ASTN1: variants seen among roughly 807,000 people sequenced by gnomAD.
The protein encoded by ASTN1 is astrotactin 1.
Under a neutral mutation model 140.7 loss-of-function variants are expected in ASTN1, and 41 were observed. That is an observed-to-expected ratio of 0.29 (90% CI 0.23 to 0.38). The LOEUF is 0.38. Ranked by LOEUF, ASTN1 falls within the 10% of genes least tolerant of loss-of-function variation. The pLI, the probability that ASTN1 is intolerant of heterozygous loss-of-function variation, is 1.00. For synonymous variants in ASTN1, 640 were observed against 652.2 expected, an observed-to-expected ratio of 0.98 and a Z score of 0.29; for missense variants, 1,479 against 1,678.8, an observed-to-expected ratio of 0.88 and a Z score of 2.08.
At chr1:176,876,365 G>A (rs748771286) in intron 21 of ASTN1, among the ~76,000 whole-genome samples, 172 bp downstream of exon 21, 16 of 152,132 alleles carry the variant, frequency 1.1e-4, no homozygotes, top group Non-Finnish European at 1.2e-4. Flanking sequence ...TTTTGCCAGC[G>A]GCTGAGTATT....
intron 7 of ASTN1, among the ~76,000 whole-genome samples, chr1:177,022,828 A>C (rs1675897328): frequency 6.6e-6 from 1 of 152,212 alleles, no homozygotes; most frequent in African/African-American, 2.4e-5. Flanking sequence ...ATGGCCATTA[A>C]AATTATGTGT....
intron 8 of ASTN1, among the ~76,000 whole-genome samples, chr1:176,991,130 G>A (rs1020545699): frequency 3.9e-5 from 6 of 152,102 alleles, no homozygotes; most frequent in Non-Finnish European, 7.4e-5. Flanking sequence ...AGAGCCGGCC[G>A]GGTGCAGTGG....
chr1:176,882,921 C>T lies in ASTN1; in HGVS notation c.3300G>A (p.Pro1100=), dbSNP rs143204688. The T allele has an allele frequency of 5.1e-4, 826 of 1,614,076 alleles. 5 individuals carry two copies. The African/African-American group carries it at 7.8e-3, about 15-fold the overall frequency. ...GAGAGATGGTGGTGAGCTGCTTGTCCGGCACCTGAGATGGCATTGCACAAG... is the reference window on the plus strand; with the variant it reads ...GAGAGATGGTGGTGAGCTGCTTGTCTGGCACCTGAGATGGCATTGCACAAG... ...KSPCAMPSQV[P]DKQLTTISLI... Residue 1100 remains proline (P), a synonymous_variant, in exon 20 of 23, where the codon CCG becomes CCA. Coordinates refer to ENST00000361833, the MANE Select transcript of ASTN1 (RefSeq NM_004319.3).
intron 21 of ASTN1, among the ~76,000 whole-genome samples, chr1:176,869,910 C>T (rs998471105): frequency 1.3e-5 from 2 of 152,062 alleles, no homozygotes; most frequent in Admixed American, 6.6e-5. Flanking sequence ...GAAAGCAGAA[C>T]CCTTGTTAGG....
rs1308693899 is a variant in ASTN1, at chr1:176,936,433, C to A, written c.2378-63G>T. The A allele has an allele frequency of 2.3e-6, 3 of 1,304,138 alleles. No individual in the cohort carries two copies. In the Admixed American group the frequency reaches 5.2e-5, roughly 22 times the overall value. The allele number at this position is 1,304,138 out of a possible 1,614,324, so 80.8% of individuals were successfully genotyped here. On this transcript the variant is annotated intron_variant, in intron 14 of 22. Coordinates refer to ENST00000361833, the MANE Select transcript of ASTN1 (RefSeq NM_004319.3). Reference sequence around the variant, plus strand: ...GATTCATAAGTTCCAAATCAAAAAGCATGACCCACCTCTATGAGGCGAAGT... The same window carrying A: ...GATTCATAAGTTCCAAATCAAAAAGAATGACCCACCTCTATGAGGCGAAGT...
Position 176,894,762 on chromosome 1 carries a change from T to C in ASTN1, c.2740A>G (p.Ile914Val). The change falls in exon 17 of 23, where the codon ATC becomes GTC. Residue 914 changes from isoleucine (I) to valine (V), a missense_variant. Physicochemically the swap from Ile to Val is conservative, Grantham distance 29. Around this residue, in one of 3 missense-constraint regions of ASTN1, gnomAD observed 746 missense variants for 800.9 expected, o/e 0.93. Coordinates refer to ENST00000361833, the MANE Select transcript of ASTN1 (RefSeq NM_004319.3). Reference sequence around the variant, plus strand: ...GTGCCGGAGTCTGACAAGCTGGTGATGTATTCTGGGAATGTCAGCACCTTG... The same window carrying C: ...GTGCCGGAGTCTGACAAGCTGGTGACGTATTCTGGGAATGTCAGCACCTTG... The part of the protein sequence containing the change: ...DPKVLTFPEY[I>V]TSLSDSGTKH... 1 of 1,614,228 alleles carries C rather than the reference T, an allele frequency of 6.2e-7. No individual in the cohort carries two copies. The highest frequency in any genetic ancestry group is 8.5e-7 in the Non-Finnish European group (1 of 1,180,044).
intron 1 of ASTN1, among the ~76,000 whole-genome samples, chr1:177,070,698 T>C (rs1475561913): frequency 1.3e-5 from 2 of 152,164 alleles, no homozygotes; most frequent in African/African-American, 2.4e-5. Flanking sequence ...GAACTTGAGT[T>C]CCAGAATAGT....
Position 177,000,569 on chromosome 1 carries a change from C to T in ASTN1, c.1523+14222G>A, listed in dbSNP as rs573572527. On this transcript the variant is annotated intron_variant, in intron 8 of 22. Transcript: ENST00000361833. ...TATAGTGGTCCTATTTGCTCACAGA[C>T]GTCTATCCCACACTTTACAGTAGAT... Among the ~76,000 whole-genome samples the T allele has an allele frequency of 1.2e-4, 19 of 152,272 alleles. 1 individual carries two copies. In the South Asian group the frequency reaches 2.5e-3, roughly 20 times the overall value.
At chr1:177,116,760 C>T (rs1424998670) in intron 1 of ASTN1, among the ~76,000 whole-genome samples, 1 of 152,174 alleles carries the variant, frequency 6.6e-6, no homozygotes, top group East Asian at 1.9e-4. Context: ...TCAGTCAGAA[C>T]ACTCTGTTCC....
chr1:176,878,689 T>C (rs1438669434), intron 20 of ASTN1, among the ~76,000 whole-genome samples: 1 of 151,972 alleles, frequency 6.6e-6, no homozygotes, highest in Non-Finnish European at 1.5e-5. Context: ...ACCAACTCCC[T>C]CCTCTGCCCA....
chr1:176,907,753 G>T (rs6664178), intron 16 of ASTN1, among the ~76,000 whole-genome samples: 6,621 of 152,226 alleles, frequency 0.043, 434 homozygotes, highest in African/African-American at 0.15. Context: ...ACAGGGAGGG[G>T]CAGACAGAGA....
At chr1:176,955,836 C>G (rs1260185809) in intron 11 of ASTN1, among the ~76,000 whole-genome samples, 1 of 152,200 alleles carries the variant, frequency 6.6e-6, no homozygotes, top group Non-Finnish European at 1.5e-5. Context: ...TGTGCATGCT[C>G]AAACCCATAC....
chr1:177,026,836 C>CA (rs1676140765), intron 5 of ASTN1, among the ~76,000 whole-genome samples: 1 of 152,156 alleles, frequency 6.6e-6, no homozygotes, highest in Non-Finnish European at 1.5e-5. Flanking sequence ...AAGCAGAAGC[C>CA]ATCCACCTGT....
intron 1 of ASTN1, among the ~76,000 whole-genome samples, chr1:177,116,089 A>G (rs962122434): frequency 6.6e-6 from 1 of 152,178 alleles, no homozygotes; most frequent in Non-Finnish European, 1.5e-5. Context: ...CCCAAATTCT[A>G]GAAAAATCAA....
chr1:176,892,741 C>T (rs1669318549), intron 17 of ASTN1, among the ~76,000 whole-genome samples: 1 of 152,174 alleles, frequency 6.6e-6, no homozygotes, highest in South Asian at 2.1e-4. Flanking sequence ...AATAAAAACA[C>T]ACATTGAATT....
chr1:176,967,445 C>T lies in ASTN1; in HGVS notation c.1524-2208G>A, dbSNP rs144430098. ...AGAAAGGGCAGTAAAAAAAGAGGGA[C>T]GTGCAATTTTATTTATCTCTATTTT... On this transcript the variant is annotated intron_variant, in intron 8 of 22. Coordinates refer to ENST00000361833, the MANE Select transcript of ASTN1 (RefSeq NM_004319.3). Among the ~76,000 whole-genome samples, 371 of 152,164 alleles carry T rather than the reference C, an allele frequency of 2.4e-3. 1 individual carries two copies. The highest frequency in any genetic ancestry group is 3.9e-3 in the Non-Finnish European group (267 of 67,998).
chr1:177,131,255 T>C (rs184733055), intron 1 of ASTN1, among the ~76,000 whole-genome samples: 2 of 152,302 alleles, frequency 1.3e-5, no homozygotes, highest in East Asian at 3.9e-4. Flanking sequence ...AGTGTGTAAT[T>C]GTACTTCTGG....
chr1:177,007,232 A>G (rs909540855), intron 8 of ASTN1, among the ~76,000 whole-genome samples: 1 of 152,106 alleles, frequency 6.6e-6, no homozygotes, highest in African/African-American at 2.4e-5. Flanking sequence ...TGTCTCTACT[A>G]AAAATACAAA....
chr1:177,096,685 C>T (rs988951370), intron 1 of ASTN1, among the ~76,000 whole-genome samples: 3 of 152,100 alleles, frequency 2.0e-5, no homozygotes, highest in Non-Finnish European at 4.4e-5. Flanking sequence ...GGGCAGTTCC[C>T]CTGCCACATG....
Sources: allele counts gnomAD v4.1 joint callset (sites outside exome capture counted in the v4.1 genomes callset), GRCh38; gene constraint gnomAD v4.1.1; regional missense constraint gnomAD v4.1.1; transcripts MANE v1.5; gene names NCBI Gene and HGNC (gene_info 2026-07-23, HGNC 2026-07-21).